INTS15: variants seen among roughly 807,000 people sequenced by gnomAD.
INTS15 encodes integrator complex subunit 15.
the INTS15 span, among the ~76,000 whole-genome samples, chr7:6,594,807 C>T: frequency 1.5e-4 from 23 of 151,354 alleles, no homozygotes; most frequent in Non-Finnish European, 3.1e-4. Flanking sequence ...TGTAACCTCC[C>T]CCTCCCAGGT....
At chr7:6,590,553 T>A in the INTS15 span, 1 of 1,412,110 alleles carries the variant, frequency 7.1e-7, no homozygotes, top group South Asian at 1.5e-5. Context: ...CAGGGCTGTG[T>A]CAAGCCGCGG....
the INTS15 span, chr7:6,590,537 G>A: frequency 1.7e-5 from 25 of 1,453,428 alleles, no homozygotes; most frequent in South Asian, 3.0e-4. Context: ...CTTTTCCCCA[G>A]CGATGCAGGG....
the INTS15 span, among the ~76,000 whole-genome samples, chr7:6,590,665 A>T: frequency 6.6e-6 from 1 of 152,164 alleles, no homozygotes; most frequent in South Asian, 2.1e-4. Flanking sequence ...CTGCCTGTCC[A>T]GTCTGCGGGG....
At chr7:6,600,343 G>A in the INTS15 span, 1 of 1,612,088 alleles carries the variant, frequency 6.2e-7, no homozygotes, top group Non-Finnish European at 8.5e-7. Context: ...CAGGAGCTCT[G>A]CTGTGCACGA....
the INTS15 span, chr7:6,607,823 G>T: frequency 6.7e-7 from 1 of 1,502,084 alleles, no homozygotes; most frequent in South Asian, 1.3e-5. The surrounding 1 kb of genome is among the most constrained non-coding windows in gnomAD (Gnocchi z 6.0). Flanking sequence ...CGTGTCCACC[G>T]CCTGGACCCC....
the INTS15 span, among the ~76,000 whole-genome samples, chr7:6,592,984 ACT>A: frequency 4.0e-5 from 6 of 151,882 alleles, no homozygotes; most frequent in Admixed American, 1.3e-4. Flanking sequence ...CAGTTCACTG[ACT>A]CTCCTGAATC....
chr7:6,591,418 C>T, the INTS15 span, among the ~76,000 whole-genome samples: 1 of 149,498 alleles, frequency 6.7e-6, no homozygotes, highest in African/African-American at 2.5e-5. Context: ...AGGTGCGCGC[C>T]ACCATGCCGG....
chr7:6,606,013 G>C, the INTS15 span, among the ~76,000 whole-genome samples: 2 of 152,026 alleles, frequency 1.3e-5, no homozygotes, highest in Admixed American at 6.6e-5. Context: ...TCTTAGATTT[G>C]TGACAGTCTC....
the INTS15 span, among the ~76,000 whole-genome samples, chr7:6,592,202 G>A: frequency 6.6e-6 from 1 of 151,580 alleles, no homozygotes; most frequent in East Asian, 2.0e-4. Flanking sequence ...GAGAGTCTCT[G>A]AAGATGATTT....
At chr7:6,601,766 C>T in the INTS15 span, among the ~76,000 whole-genome samples, 8 of 151,880 alleles carry the variant, frequency 5.3e-5, no homozygotes, top group Admixed American at 3.3e-4. Context: ...AAGCAGTTCT[C>T]CTGCCTCAGC....
chr7:6,593,455 C>T, the INTS15 span, among the ~76,000 whole-genome samples: 1 of 151,374 alleles, frequency 6.6e-6, no homozygotes, highest in African/African-American at 2.4e-5. Context: ...CTCAGCCTCT[C>T]GAGTAGCTGG....
the INTS15 span, chr7:6,590,123 C>T: frequency 2.0e-6 from 1 of 503,174 alleles, no homozygotes; most frequent in Non-Finnish European, 3.0e-6. Context: ...CAGCGATGGC[C>T]CCCTGAGCAG....
the INTS15 span, chr7:6,607,729 G>A: frequency 2.7e-6 from 4 of 1,506,372 alleles, no homozygotes; most frequent in South Asian, 1.3e-5. This position sits in a 1 kb window ranked among gnomAD's most constrained non-coding sequence, Gnocchi z 6.0. Flanking sequence ...TGCTACGGCC[G>A]GAGCTCCGTG....
At chr7:6,596,805 C>G in the INTS15 span, among the ~76,000 whole-genome samples, 4 of 152,090 alleles carry the variant, frequency 2.6e-5, no homozygotes, top group African/African-American at 9.7e-5. Context: ...TTTTTGGAGA[C>G]AGAGTCTCGC....
At chr7:6,603,392 A>G in the INTS15 span, among the ~76,000 whole-genome samples, 1 of 151,832 alleles carries the variant, frequency 6.6e-6, no homozygotes, top group Non-Finnish European at 1.5e-5. Flanking sequence ...TACTAAAAAT[A>G]CAAAATTAGC....
At chr7:6,598,049 GCA>G in the INTS15 span, among the ~76,000 whole-genome samples, 1 of 152,230 alleles carries the variant, frequency 6.6e-6, no homozygotes. Flanking sequence ...GCACAAGTGT[GCA>G]CACGCACACA....
the INTS15 span, among the ~76,000 whole-genome samples, chr7:6,598,951 T>C: frequency 6.6e-6 from 1 of 152,080 alleles, no homozygotes; most frequent in Admixed American, 6.6e-5. Context: ...CACTGCCGGC[T>C]AACTTTTAAG....
chr7:6,604,352 C>T, the INTS15 span, among the ~76,000 whole-genome samples: 1 of 152,158 alleles, frequency 6.6e-6, no homozygotes, highest in Admixed American at 6.6e-5. Context: ...AGCTGTGATA[C>T]CTCAGGAGGA....
the INTS15 span, chr7:6,590,407 A>C: frequency 1.2e-5 from 19 of 1,606,412 alleles, no homozygotes; most frequent in Non-Finnish European, 1.4e-5. Flanking sequence ...CATCGTGGAC[A>C]AGGGCCCCGT....
Sources: gnomAD v4.1 joint callset for allele counts (sites outside exome capture counted in the v4.1 genomes callset) on GRCh38, gnomAD v4.1.1 for gene constraint, Gnocchi (gnomAD v3.1) non-coding constraint, MANE v1.5 for transcripts, NCBI Gene and HGNC (gene_info 2026-07-23, HGNC 2026-07-21) for gene names.